Variants in KCTD16 observed in about 807,000 individuals in gnomAD.
The protein encoded by KCTD16 is potassium channel tetramerization domain containing 16, also known as BTB/POZ domain-containing protein KCTD16.
A neutral mutation model predicts 33.2 loss-of-function variants in KCTD16; 13 were observed. The ratio of observed to expected loss-of-function variants is 0.39; its 90% CI spans 0.25 to 0.62. KCTD16 has a LOEUF of 0.62. KCTD16 is among the 20% of genes least tolerant of loss of function. The pLI is 0.50. For synonymous variants in KCTD16, 197 were observed against 195.3 expected, an observed-to-expected ratio of 1.01 and a Z score of -0.07; for missense variants, 441 against 525.1, an observed-to-expected ratio of 0.84 and a Z score of 1.57.
intron 3 of KCTD16, among the ~76,000 whole-genome samples, chr5:144,213,579 G>C (rs532217008): frequency 6.6e-6 from 1 of 151,988 alleles, no homozygotes; most frequent in Non-Finnish European, 1.5e-5. Flanking sequence ...TGGTAAGCTC[G>C]TTAGATCTAG....
intron 3 of KCTD16, among the ~76,000 whole-genome samples, chr5:144,320,150 A>C (rs1039138321): frequency 9.9e-5 from 15 of 152,174 alleles, no homozygotes; most frequent in Non-Finnish European, 2.1e-4. Flanking sequence ...ACTTTCTCAG[A>C]TCTTTGGGGA....
At position 144,206,748 on chromosome 5, in the gene KCTD16, C is replaced by A; in HGVS notation, c.34C>A (p.Pro12Thr). The part of the protein sequence containing the change: ...ALSGNCSRYY[P>T]REQGSAVPNS... ...GAGTGGAAACTGTAGTCGTTATTAT[C>A]CTCGAGAACAAGGGTCCGCAGTTCC... Residue 12 changes from proline to threonine, a missense_variant, in exon 3 of 4, where the codon CCT (proline) becomes ACT (threonine). Around this residue, in one of 3 missense-constraint regions of KCTD16, gnomAD observed 80 missense variants for 88.5 expected, o/e 0.90. Transcript: ENST00000512467. 1 of 1,613,866 alleles carries A rather than the reference C, an allele frequency of 6.2e-7. No homozygotes were observed. The highest frequency in any genetic ancestry group is 8.5e-7 in the Non-Finnish European group (1 of 1,179,898).
intron 3 of KCTD16, among the ~76,000 whole-genome samples, chr5:144,399,320 T>A (rs1417992225): frequency 6.6e-6 from 1 of 152,162 alleles, no homozygotes; most frequent in African/African-American, 2.4e-5. Flanking sequence ...ACTAATGTTT[T>A]TTTTTCTTTC....
At chr5:144,388,658 T>C (rs956610031) in intron 3 of KCTD16, among the ~76,000 whole-genome samples, 2 of 152,222 alleles carry the variant, frequency 1.3e-5, no homozygotes, top group South Asian at 2.1e-4. Context: ...TTTCAGCCTT[T>C]ATGATTTGGG....
chr5:144,473,443 C>G (rs1182116680), intron 3 of KCTD16, among the ~76,000 whole-genome samples: 2 of 152,084 alleles, frequency 1.3e-5, no homozygotes, highest in African/African-American at 4.8e-5. Flanking sequence ...ACTATATTTC[C>G]TCTTATATAG....
In KCTD16 at chr5:144,439,444, A is replaced by G. The variant is rs530534629; in HGVS notation, c.833-34216A>G. ...CCAGAGCCTCACATCTTACTATTCC[A>G]GTGCCCGCTACCCAAGAAGCCAGAT... On this transcript the variant is annotated intron_variant, in intron 3 of 3. Transcript: ENST00000512467. The G allele has an allele frequency of 6.4e-5, 20 of 313,218 alleles. No homozygotes were observed. The East Asian group carries it at 2.0e-3, about 31-fold the overall frequency. The allele number at this position is 313,218 out of a possible 1,614,324, so 19.4% of individuals were successfully genotyped here.
rs1212485062 is a variant in KCTD16 at position 144,476,456 on chromosome 5, G to A, written c.*2342G>A. 2 of 152,126 alleles carry A rather than the reference G, an allele frequency of 1.3e-5. No individual in the cohort carries two copies. The highest frequency in any genetic ancestry group is 1.9e-4 in the East Asian group (1 of 5,192). 9.4% of individuals were successfully genotyped at this position (152,126 alleles called of 1,614,324 possible). A position where few individuals can be genotyped will look rare whatever the true frequency, so the allele number is the denominator to read the frequency against. The stretch of plus-strand genomic sequence containing the variant: ...GGAGTGTTCGTGGCAGTGTTCCTCT[G>A]ACCCCTGACCTGTCATGAGTTTTCT... On this transcript the variant is annotated 3_prime_UTR_variant, in exon 4 of 4. Coordinates refer to ENST00000512467, the MANE Select transcript of KCTD16 (RefSeq NM_020768.4).
At chr5:144,381,216 A>G (rs1752207762) in intron 3 of KCTD16, among the ~76,000 whole-genome samples, 1 of 152,228 alleles carries the variant, frequency 6.6e-6, no homozygotes, top group Admixed American at 6.5e-5. Context: ...AGTAACCATC[A>G]GAGAAATGCA....
chr5:144,363,391 C>T (rs1049803254), intron 3 of KCTD16, among the ~76,000 whole-genome samples: 1 of 151,858 alleles, frequency 6.6e-6, no homozygotes, highest in Admixed American at 6.6e-5. Context: ...AAAGTGAATC[C>T]ATATCTCAAA....
At chr5:144,176,559 C>T (rs1022733681) in intron 2 of KCTD16, among the ~76,000 whole-genome samples, 1 of 150,884 alleles carries the variant, frequency 6.6e-6, no homozygotes, top group East Asian at 1.9e-4. Flanking sequence ...CCCGCCACCG[C>T]GCCCGGCTAA....
chr5:144,410,144 A>T (rs1408159165), intron 3 of KCTD16, among the ~76,000 whole-genome samples: 1 of 152,134 alleles, frequency 6.6e-6, no homozygotes, highest in Non-Finnish European at 1.5e-5. Context: ...GGAGGAGATG[A>T]CTGGGAAATG....
chr5:144,425,757 A>C (rs1401097661), intron 3 of KCTD16, among the ~76,000 whole-genome samples: 1 of 152,060 alleles, frequency 6.6e-6, no homozygotes, highest in Non-Finnish European at 1.5e-5. Flanking sequence ...GTCCCAAGGA[A>C]GCCCTGGGCA....
At chr5:144,242,489 AC>A (rs1754431524) in intron 3 of KCTD16, among the ~76,000 whole-genome samples, 1 of 152,144 alleles carries the variant, frequency 6.6e-6, no homozygotes, top group Admixed American at 6.6e-5. Context: ...TTTATATCTC[AC>A]CAGACAATAT....
intron 3 of KCTD16, among the ~76,000 whole-genome samples, chr5:144,426,997 C>A (rs1056783746): frequency 7.2e-5 from 11 of 152,124 alleles, no homozygotes; most frequent in African/African-American, 2.7e-4. Flanking sequence ...CCTATATATG[C>A]TACACTTATT....
At chr5:144,390,257 C>T (rs373261372) in intron 3 of KCTD16, among the ~76,000 whole-genome samples, 4 of 152,148 alleles carry the variant, frequency 2.6e-5, no homozygotes, top group Admixed American at 6.6e-5. Flanking sequence ...TTCTACCTAA[C>T]GTGATTTTAA....
chr5:144,427,987 A>C (rs1435825194), intron 3 of KCTD16, among the ~76,000 whole-genome samples: 1 of 152,102 alleles, frequency 6.6e-6, no homozygotes, highest in African/African-American at 2.4e-5. Flanking sequence ...AGCTTAGCAC[A>C]GTATCTGTCA....
intron 3 of KCTD16, among the ~76,000 whole-genome samples, chr5:144,428,320 A>G (rs754266081): frequency 2.0e-5 from 3 of 152,156 alleles, no homozygotes; most frequent in Admixed American, 6.6e-5. Flanking sequence ...TGTCTCTCTG[A>G]TGCTAGCACT....
chr5:144,198,317 G>T (rs1580781568), intron 2 of KCTD16, among the ~76,000 whole-genome samples: 1 of 152,248 alleles, frequency 6.6e-6, no homozygotes, highest in Non-Finnish European at 1.5e-5. Context: ...CTACCTGCTT[G>T]AGGGTACCAA....
chr5:144,448,762 A>G (rs1177312526), intron 3 of KCTD16, among the ~76,000 whole-genome samples: 2 of 152,080 alleles, frequency 1.3e-5, no homozygotes, highest in Non-Finnish European at 2.9e-5. Flanking sequence ...CTCTTAATCA[A>G]ATCTCTTTTT....
Sources: allele counts gnomAD v4.1 joint callset (sites outside exome capture counted in the v4.1 genomes callset), GRCh38; gene constraint gnomAD v4.1.1; regional missense constraint gnomAD v4.1.1; transcripts MANE v1.5; gene names NCBI Gene and HGNC (gene_info 2026-07-23, HGNC 2026-07-21).